The following CREM variants were observed in gnomAD, a reference collection of about 807,000 sequenced individuals.
The protein encoded by CREM is cAMP-responsive element modulator.
A neutral mutation model predicts 37.3 loss-of-function variants in CREM; 13 were observed. That is an observed-to-expected ratio of 0.35 (90% CI 0.23 to 0.55). The LOEUF is 0.55. Among genes scored for constraint, CREM ranks in the 20% least tolerant of loss-of-function variants. The pLI, the probability that CREM is intolerant of heterozygous loss-of-function variation, is 0.88. For synonymous variants in CREM, 124 were observed against 120.2 expected (o/e 1.03, Z -0.21); for missense variants, 296 against 362.3 (o/e 0.82, Z 1.49).
chr10:35,191,115 T>C (rs1018730942), intron 6 of CREM, among the ~76,000 whole-genome samples: 27 of 151,790 alleles, frequency 1.8e-4, no homozygotes, highest in Non-Finnish European at 4.4e-5. Context: ...TATTATACTT[T>C]AAGTTTTAGG....
intron 1 of CREM, among the ~76,000 whole-genome samples, chr10:35,135,181 G>T (rs995230926): frequency 1.2e-4 from 18 of 152,218 alleles, no homozygotes; most frequent in African/African-American, 4.1e-4. Flanking sequence ...GTGTTAGATG[G>T]CCTTCAAAAT....
chr10:35,128,993 A>G (rs1314976136), intron 1 of CREM, among the ~76,000 whole-genome samples: 2 of 152,244 alleles, frequency 1.3e-5, no homozygotes, highest in African/African-American at 2.4e-5. Flanking sequence ...TTAAAGAACT[A>G]TGTATTGATC....
chr10:35,196,961 C>G (rs1388245689), intron 6 of CREM, among the ~76,000 whole-genome samples: 1 of 150,890 alleles, frequency 6.6e-6, no homozygotes, highest in African/African-American at 2.4e-5. Context: ...GCTCCGCCTC[C>G]CAGGTTCACG....
chr10:35,187,129 T>TAAA (rs1354508620), intron 5 of CREM, among the ~76,000 whole-genome samples: 5 of 70,916 alleles, frequency 7.1e-5, no homozygotes, highest in African/African-American at 3.0e-4. Flanking sequence ...TATAAATATA[T>TAAA]TAATATATTA....
At chr10:35,191,086 T>TTTATTTATTTATTTA (rs2094895646) in intron 6 of CREM, among the ~76,000 whole-genome samples, 1 of 147,992 alleles carries the variant, frequency 6.8e-6, no homozygotes, top group Non-Finnish European at 1.5e-5. Context: ...ACATTTTTCT[T>TTTATTTATTTATTTA]TTTATTTATT....
At chr10:35,192,537 C>T (rs75442266) in intron 6 of CREM, among the ~76,000 whole-genome samples, 2 of 152,022 alleles carry the variant, frequency 1.3e-5, no homozygotes, top group Non-Finnish European at 2.9e-5. Context: ...TTAGTAGAGA[C>T]GGGGTTACAC....
At chr10:35,185,609 A>C (rs1341359067) in intron 5 of CREM, among the ~76,000 whole-genome samples, 3 of 152,204 alleles carry the variant, frequency 2.0e-5, no homozygotes, top group Non-Finnish European at 4.4e-5. Flanking sequence ...AGTTAGTTAG[A>C]TCTCTCTCAA....
At chr10:35,150,628 C>T (rs548888376) in intron 3 of CREM, among the ~76,000 whole-genome samples, 1 of 152,144 alleles carries the variant, frequency 6.6e-6, no homozygotes, top group African/African-American at 2.4e-5. Context: ...CCGAGACCAG[C>T]CTGGCCAACA....
At chr10:35,157,397 G>C (rs2092982141) in intron 3 of CREM, among the ~76,000 whole-genome samples, 1 of 152,128 alleles carries the variant, frequency 6.6e-6, no homozygotes, top group South Asian at 2.1e-4. Context: ...TTGGGAGGTT[G>C]AGGCAGGCGG....
chr10:35,131,463 T>C (rs1418251880), intron 1 of CREM, among the ~76,000 whole-genome samples: 4 of 152,216 alleles, frequency 2.6e-5, no homozygotes, highest in African/African-American at 9.6e-5. Flanking sequence ...ATGATTTTTT[T>C]TTGGCTTAGA....
intron 6 of CREM, among the ~76,000 whole-genome samples, chr10:35,197,144 TAAAC>T (rs1295729591): frequency 1.4e-4 from 21 of 152,164 alleles, no homozygotes; most frequent in Admixed American, 1.3e-4. Flanking sequence ...TACATATAAA[TAAAC>T]AAACATTTTT....
At chr10:35,148,010 G>C (rs542316338) in intron 2 of CREM, among the ~76,000 whole-genome samples, 103 of 152,292 alleles carry the variant, frequency 6.8e-4, no homozygotes, top group African/African-American at 2.2e-3. Context: ...CTTGGGACCA[G>C]AATTGTTTCA....
intron 1 of CREM, among the ~76,000 whole-genome samples, chr10:35,134,520 A>G (rs1257808283): frequency 6.6e-6 from 1 of 152,170 alleles, no homozygotes; most frequent in Non-Finnish European, 1.5e-5. Context: ...CCTGGCCTCA[A>G]CATTTTTAAG....
At chr10:35,206,179 C>T (rs1014738934) in intron 6 of CREM, among the ~76,000 whole-genome samples, 8 of 150,576 alleles carry the variant, frequency 5.3e-5, no homozygotes, top group African/African-American at 9.8e-5. Flanking sequence ...ACCCAGGAGG[C>T]GGAGCTTGCA....
chr10:35,195,056 A>G, intron 6 of CREM: 2 of 837,134 alleles, frequency 2.4e-6, no homozygotes, highest in Non-Finnish European at 3.7e-6. Context: ...AAGCAAATTG[A>G]TGGCAGTGAT....
chr10:35,178,894 A>T lies in CREM; in HGVS notation c.174A>T (p.Ala58=), dbSNP rs2094223465. 1 of 1,607,084 alleles carries T rather than the reference A, an allele frequency of 6.2e-7. No individual in the cohort carries two copies. The change falls in exon 4 of 8, where the codon GCA becomes GCT. Residue 58 remains alanine, a synonymous_variant. Transcript: ENST00000685392. Reference sequence around the variant, plus strand: ...CAGAAAATCTTGTATTATAGGTAGCAGCAATTGCAGAGACAGATGAATCTG... The same window carrying T: ...CAGAAAATCTTGTATTATAGGTAGCTGCAATTGCAGAGACAGATGAATCTG... ...QNSIPALAQV[A]AIAETDESAE...
intron 3 of CREM, among the ~76,000 whole-genome samples, chr10:35,151,656 G>A (rs571488393): frequency 6.6e-6 from 1 of 152,340 alleles, no homozygotes; most frequent in South Asian, 2.1e-4. Flanking sequence ...TTACTGGTGT[G>A]AGCCACTGCA....
intron 3 of CREM, among the ~76,000 whole-genome samples, chr10:35,156,261 T>C (rs1373047827): frequency 6.6e-6 from 1 of 151,442 alleles, no homozygotes; most frequent in Non-Finnish European, 1.5e-5. Context: ...TTCTTTTTTT[T>C]TTTAAGAAAC....
intron 5 of CREM, among the ~76,000 whole-genome samples, chr10:35,180,526 A>G (rs953606156): frequency 6.6e-6 from 1 of 152,206 alleles, no homozygotes; most frequent in Non-Finnish European, 1.5e-5. Context: ...AACTCCTACC[A>G]TGATACCTAG....
Sources: allele counts gnomAD v4.1 joint callset (sites outside exome capture counted in the v4.1 genomes callset), GRCh38; gene constraint gnomAD v4.1.1; transcripts MANE v1.5; gene names NCBI Gene and HGNC (gene_info 2026-07-23, HGNC 2026-07-21).